CNTN5: variants seen among roughly 807,000 people sequenced by gnomAD.
The protein encoded by CNTN5 is contactin 5, also known as contactin-5.
CNTN5 carries 77 observed loss-of-function variants against 129.1 expected under a neutral mutation model. The ratio of observed to expected loss-of-function variants is 0.60; its 90% CI spans 0.50 to 0.72. CNTN5 has a LOEUF of 0.72. Among genes scored for constraint, CNTN5 ranks in the 30% least tolerant of loss-of-function variants. CNTN5 has a pLI of 0.00. For synonymous variants in CNTN5, 509 were observed against 465.6 expected (o/e 1.09, Z -1.20); for missense variants, 1,478 against 1,328.8 (o/e 1.11, Z -1.75).
At chr11:99,332,308 CATCTT>C (rs10596734) in intron 2 of CNTN5, among the ~76,000 whole-genome samples, 150,490 of 152,090 alleles carry the variant, frequency 0.99, 74,474 homozygotes, top group East Asian at 1. Flanking sequence ...GTCTCAGTCT[CATCTT>C]ATATGAAATA....
chr11:99,704,679 A>G (rs1359838103), intron 3 of CNTN5, among the ~76,000 whole-genome samples: 2 of 151,244 alleles, frequency 1.3e-5, no homozygotes, highest in African/African-American at 2.4e-5. Context: ...TACTATCACT[A>G]TCTTTTATCT....
chr11:99,511,969 A>T (rs999587919), intron 2 of CNTN5, among the ~76,000 whole-genome samples: 4 of 152,142 alleles, frequency 2.6e-5, no homozygotes, highest in Non-Finnish European at 5.9e-5. Context: ...AAGTTTATAA[A>T]GTAAATTAAT....
intron 8 of CNTN5, among the ~76,000 whole-genome samples, chr11:99,992,335 G>A (rs993414954): frequency 2.6e-5 from 4 of 152,210 alleles, no homozygotes; most frequent in African/African-American, 9.6e-5. Flanking sequence ...TCTGCTGGGA[G>A]TACCAGCACA....
chr11:99,240,714 A>G (rs1342364583), intron 1 of CNTN5, among the ~76,000 whole-genome samples: 4 of 152,184 alleles, frequency 2.6e-5, no homozygotes, highest in Non-Finnish European at 5.9e-5. Context: ...AAAATTAAGA[A>G]TGAAAATTAT....
chr11:100,352,814 G>A (rs1952446453), intron 24 of CNTN5, among the ~76,000 whole-genome samples: 1 of 151,710 alleles, frequency 6.6e-6, no homozygotes, highest in Admixed American at 6.6e-5. Context: ...GATGAAGGCT[G>A]AATTTTCAAG....
intron 13 of CNTN5, among the ~76,000 whole-genome samples, chr11:100,127,111 T>A (rs1008355120): frequency 8.8e-4 from 131 of 148,198 alleles, no homozygotes; most frequent in Non-Finnish European, 1.6e-3. Flanking sequence ...TTTTTTTTTT[T>A]TTTTTTTTTT....
At chr11:99,752,403 C>A (rs1418499558) in intron 3 of CNTN5, among the ~76,000 whole-genome samples, 4 of 152,088 alleles carry the variant, frequency 2.6e-5, no homozygotes, top group Non-Finnish European at 4.4e-5. Flanking sequence ...GGATGAATAA[C>A]TGAATAAATG....
At chr11:99,643,820 C>T (rs2135852149) in intron 3 of CNTN5, among the ~76,000 whole-genome samples, 1 of 147,406 alleles carries the variant, frequency 6.8e-6, no homozygotes, top group East Asian at 2.0e-4. Context: ...AATAATGTTT[C>T]CTATGTTTAA....
At chr11:99,667,828 TG>T (rs1403855838) in intron 3 of CNTN5, among the ~76,000 whole-genome samples, 3 of 152,000 alleles carry the variant, frequency 2.0e-5, no homozygotes, top group Non-Finnish European at 4.4e-5. Context: ...ACTTAGAGGA[TG>T]GGTCAATAGG....
chr11:100,285,098 G>A (rs969213422), intron 18 of CNTN5, among the ~76,000 whole-genome samples: 1 of 152,170 alleles, frequency 6.6e-6, no homozygotes, highest in Admixed American at 6.5e-5. Flanking sequence ...CCTGGCACAT[G>A]ATAAATGCTC....
At chr11:100,006,616 A>G (rs541440694) in intron 9 of CNTN5, among the ~76,000 whole-genome samples, 1 of 152,230 alleles carries the variant, frequency 6.6e-6, no homozygotes, top group Non-Finnish European at 1.5e-5. Flanking sequence ...TTCCACTTCT[A>G]GTTCTTGTTA....
chr11:99,430,868 G>A (rs1943337941), intron 2 of CNTN5, among the ~76,000 whole-genome samples: 1 of 152,008 alleles, frequency 6.6e-6, no homozygotes, highest in African/African-American at 2.4e-5. Flanking sequence ...CCGAACTACG[G>A]TGTGAGGTGG....
chr11:99,941,700 G>T (rs1239074164), intron 7 of CNTN5, among the ~76,000 whole-genome samples: 3 of 151,586 alleles, frequency 2.0e-5, no homozygotes, highest in Non-Finnish European at 4.4e-5. Context: ...AGACCTAAAA[G>T]AAGTTAAGTA....
At chr11:99,602,761 A>T (rs1287150533) in intron 3 of CNTN5, among the ~76,000 whole-genome samples, 1 of 150,880 alleles carries the variant, frequency 6.6e-6, no homozygotes, top group African/African-American at 2.4e-5. Context: ...GAGAACGGGC[A>T]GACTGCCTCC....
At chr11:99,989,885 C>A (rs1238254114) in intron 8 of CNTN5, among the ~76,000 whole-genome samples, 1 of 152,142 alleles carries the variant, frequency 6.6e-6, no homozygotes, top group Non-Finnish European at 1.5e-5. Context: ...CCTGCCTCAG[C>A]CTCCCGAGTA....
At chr11:99,220,240 T>C (rs1180624849) in intron 1 of CNTN5, among the ~76,000 whole-genome samples, 1 of 152,044 alleles carries the variant, frequency 6.6e-6, no homozygotes, top group Non-Finnish European at 1.5e-5. Flanking sequence ...TAACACTTGC[T>C]AACTTGAAAT....
At chr11:99,717,049 T>C (rs1955266207) in intron 3 of CNTN5, among the ~76,000 whole-genome samples, 3 of 152,094 alleles carry the variant, frequency 2.0e-5, no homozygotes, top group Non-Finnish European at 4.4e-5. Context: ...ATTCCAATTG[T>C]TTTTCCTTTT....
At chr11:99,934,870 G>GTC (rs1591444476) in intron 7 of CNTN5, among the ~76,000 whole-genome samples, 6 of 58,542 alleles carry the variant, frequency 1.0e-4, no homozygotes, top group African/African-American at 3.6e-4. Flanking sequence ...GTGAGACTCA[G>GTC]TCTGTGTGTG....
At chr11:99,213,429 C>CGT (rs1343863041) in intron 1 of CNTN5, among the ~76,000 whole-genome samples, 3 of 134,292 alleles carry the variant, frequency 2.2e-5, no homozygotes, top group African/African-American at 3.2e-5. Flanking sequence ...CATATATACA[C>CGT]GTGTATATAT....
Sources: allele counts gnomAD v4.1 joint callset (sites outside exome capture counted in the v4.1 genomes callset), GRCh38; gene constraint gnomAD v4.1.1; transcripts MANE v1.5; gene names NCBI Gene and HGNC (gene_info 2026-07-23, HGNC 2026-07-21).